Variants in BDKRB2 observed in about 807,000 individuals in gnomAD.
BDKRB2 encodes the protein bradykinin receptor B2.
In BDKRB2, 6 loss-of-function variants were observed where a neutral mutation model predicts 4.0. That is an observed-to-expected ratio of 1.49 (90% CI 0.81 to 2.93). The LOEUF (loss-of-function observed/expected upper bound fraction) is 2.93. Ranked by LOEUF, BDKRB2 falls within the 30% of genes most tolerant of loss-of-function variation. The pLI, the probability that BDKRB2 is intolerant of heterozygous loss-of-function variation, is 0.00. For missense variants in BDKRB2, 478 were observed against 520.1 expected (o/e 0.92, Z 0.79); for synonymous variants, 225 against 215.3 (o/e 1.05, Z -0.40).
At chr14:96,219,928 A>G (rs1890515996) in intron 1 of BDKRB2, among the ~76,000 whole-genome samples, 1 of 151,952 alleles carries the variant, frequency 6.6e-6, no homozygotes, top group African/African-American at 2.4e-5. Context: ...CAGGAGAGGG[A>G]GGTGGTCCAG....
At position 96,218,328 on chromosome 14, in the gene BDKRB2, T is replaced by C. The variant is rs559508266; in HGVS notation, c.-40+13369T>C. On this transcript the variant is annotated intron_variant, in intron 1 of 2. Transcript: ENST00000554311. ...GCTCTAGCATGTCTGTGGTCCTTGA[T>C]GGTTTACAAAGCGCTTTTGCACTTG... 6.6e-5 allele frequency among the ~76,000 whole-genome samples: 10 copies of C among 152,290 alleles called. 1 individual carries two copies. Among genetic ancestry groups the C allele is most frequent in the African/African-American group, 2.2e-4 (9 of 41,510 alleles).
chr14:96,211,693 G>A (rs887364229), intron 1 of BDKRB2, among the ~76,000 whole-genome samples: 1 of 152,066 alleles, frequency 6.6e-6, no homozygotes, highest in Non-Finnish European at 1.5e-5. Context: ...CTCCTTTTTC[G>A]GAAGCCAGGC....
chr14:96,223,255 C>T (rs1890616078), intron 1 of BDKRB2: 2 of 1,061,442 alleles, frequency 1.9e-6, no homozygotes, highest in East Asian at 4.7e-5. Flanking sequence ...TGGCGTTCAG[C>T]AGAGTCAGGG....
intron 1 of BDKRB2, among the ~76,000 whole-genome samples, chr14:96,205,567 C>T (rs974327922): frequency 6.6e-6 from 1 of 152,134 alleles, no homozygotes; most frequent in Non-Finnish European, 1.5e-5. Context: ...GGCTTAGAGA[C>T]CCTCTTCCCA....
In BDKRB2 at chr14:96,226,912, A is replaced by T. The variant is rs1488752809; in HGVS notation, c.-39-10157A>T. Reference sequence around the variant, plus strand: ...AGGGAGGAATATGTCCAGTCTAATAACCCTATGCTCAAGTCAGAAAGCCCC... The same window carrying T: ...AGGGAGGAATATGTCCAGTCTAATATCCCTATGCTCAAGTCAGAAAGCCCC... On this transcript the variant is annotated intron_variant, in intron 1 of 2. Coordinates refer to ENST00000554311, the MANE Select transcript of BDKRB2 (RefSeq NM_001379692.1). 2.0e-5 allele frequency among the ~76,000 whole-genome samples: 3 copies of T among 152,102 alleles called. No homozygotes were observed. In the East Asian group the frequency reaches 5.8e-4, roughly 29 times the overall value.
intron 1 of BDKRB2, among the ~76,000 whole-genome samples, chr14:96,207,311 G>A (rs1194128604): frequency 6.6e-6 from 1 of 152,122 alleles, no homozygotes; most frequent in Non-Finnish European, 1.5e-5. Flanking sequence ...CAATAAAAAA[G>A]CATACAGAAC....
chr14:96,216,282 G>A (rs1159201466), intron 1 of BDKRB2, among the ~76,000 whole-genome samples: 4 of 152,022 alleles, frequency 2.6e-5, no homozygotes, highest in African/African-American at 9.7e-5. Context: ...CACAGTTCCT[G>A]GAGGGTGGGC....
intron 1 of BDKRB2, among the ~76,000 whole-genome samples, chr14:96,208,768 C>T (rs909708228): frequency 2.0e-5 from 3 of 152,220 alleles, no homozygotes; most frequent in African/African-American, 2.4e-5. Flanking sequence ...GTCCTTCTCA[C>T]GCTTCTCTTC....
intron 1 of BDKRB2, among the ~76,000 whole-genome samples, chr14:96,228,511 C>T (rs985067401): frequency 6.6e-6 from 1 of 152,164 alleles, no homozygotes; most frequent in Non-Finnish European, 1.5e-5. Flanking sequence ...TTCCAGATGG[C>T]TGAACTCTTC....
chr14:96,239,839 C>T (rs1366049706), intron 2 of BDKRB2: 5 of 985,372 alleles, frequency 5.1e-6, no homozygotes, highest in African/African-American at 1.7e-5. Flanking sequence ...CTCCAATCAT[C>T]TTCAGTGCTT....
intron 1 of BDKRB2, among the ~76,000 whole-genome samples, chr14:96,227,694 T>C (rs1000531523): frequency 6.7e-6 from 1 of 148,702 alleles, no homozygotes; most frequent in South Asian, 2.2e-4. Flanking sequence ...AACACACACA[T>C]GCACACACAC....
In BDKRB2 at chr14:96,241,132, C is replaced by T. The variant is rs201121821; in HGVS notation, c.804C>T (p.Ala268=). The change falls in exon 3 of 3, where the codon GCC becomes GCT. Residue 268 remains alanine, a synonymous_variant. Transcript: ENST00000554311. ...AGGAGATCCAGACAGAGAGGAGGGC[C>T]ACGGTGCTAGTCCTGGTTGTGCTGC... ...KFKEIQTERR[A]TVLVLVVLLL... is the part of the protein sequence containing the mutation. 4 of 1,612,808 alleles carry T rather than the reference C, an allele frequency of 2.5e-6. No homozygotes were observed. Among genetic ancestry groups the T allele is most frequent in the Non-Finnish European group, 3.4e-6 (4 of 1,179,716 alleles).
chr14:96,224,873 G>A (rs886794495), intron 1 of BDKRB2, among the ~76,000 whole-genome samples: 2 of 152,208 alleles, frequency 1.3e-5, no homozygotes, highest in Non-Finnish European at 1.5e-5. Context: ...AGCGGAATTG[G>A]ATAGAAGACA....
intron 1 of BDKRB2, among the ~76,000 whole-genome samples, chr14:96,225,904 C>T (rs1239286895): frequency 1.3e-5 from 2 of 152,194 alleles, no homozygotes; most frequent in African/African-American, 2.4e-5. Flanking sequence ...GCCCACCACC[C>T]TCCACTCCCA....
intron 1 of BDKRB2, among the ~76,000 whole-genome samples, chr14:96,225,972 G>A (rs1233645927): frequency 5.3e-5 from 8 of 152,282 alleles, no homozygotes; most frequent in Admixed American, 5.2e-4. Flanking sequence ...GGCTGGAGAG[G>A]CTGCGGGAGA....
intron 1 of BDKRB2, among the ~76,000 whole-genome samples, chr14:96,226,515 G>A (rs1037024239): frequency 3.9e-5 from 6 of 152,148 alleles, no homozygotes; most frequent in East Asian, 1.9e-4. Context: ...TTAGCTGGGC[G>A]TAGTGGTGCA....
intron 1 of BDKRB2, among the ~76,000 whole-genome samples, chr14:96,211,823 G>A (rs913555138): frequency 1.3e-5 from 2 of 152,274 alleles, no homozygotes; most frequent in East Asian, 1.9e-4. Flanking sequence ...AACTACCTAC[G>A]AAAACTGGGA....
At position 96,241,091 on chromosome 14, in the gene BDKRB2, G is replaced by A. The variant is rs144066261; in HGVS notation, c.763G>A (p.Glu255Lys). Residue 255 changes from glutamate to lysine, a missense_variant, in exon 3 of 3, where the codon GAG (glutamate) becomes AAG (lysine). Transcript: ENST00000554311. ...GATCATGCAGGTGCTGCGGAACAAC[G>A]AGATGCAGAAGTTCAAGGAGATCCA... is the stretch of plus-strand genomic sequence containing the variant. ...MQIMQVLRNN[E>K]MQKFKEIQTE... 2.2e-5 allele frequency: 36 copies of A among 1,613,780 alleles called. No individual in the cohort carries two copies. The highest frequency in any genetic ancestry group is 2.6e-5 in the Non-Finnish European group (31 of 1,179,958).
chr14:96,235,586 A>G lies in BDKRB2; in HGVS notation c.-39-1483A>G, dbSNP rs79430166. ...TTAGGGGTTCCTGCAAACCTTTTCC[A>G]GGTGTTAATTACCTCCCACTTCATT... On this transcript the variant is annotated intron_variant, in intron 1 of 2. Coordinates refer to ENST00000554311, the MANE Select transcript of BDKRB2 (RefSeq NM_001379692.1). Among the ~76,000 whole-genome samples the G allele has an allele frequency of 3.0e-3, 459 of 152,136 alleles. 3 individuals carry two copies. Among genetic ancestry groups the G allele is most frequent in the African/African-American group, 0.011 (439 of 41,506 alleles).
Sources: gnomAD v4.1 joint callset for allele counts (sites outside exome capture counted in the v4.1 genomes callset) on GRCh38, gnomAD v4.1.1 for gene constraint, MANE v1.5 for transcripts, NCBI Gene and HGNC (gene_info 2026-07-23, HGNC 2026-07-21) for gene names.